Variants in RC3H1 observed in about 807,000 individuals in gnomAD.
The protein encoded by RC3H1 is ring finger and CCCH-type domains 1, also known as roquin-1.
In RC3H1, 50 loss-of-function variants were observed where a neutral mutation model predicts 138.2. That is an observed-to-expected ratio of 0.36 (90% CI 0.29 to 0.46). The LOEUF (loss-of-function observed/expected upper bound fraction) is 0.46. Among genes scored for constraint, RC3H1 ranks in the 20% least tolerant of loss-of-function variants. RC3H1 has a pLI of 1.00. For synonymous variants in RC3H1, 462 were observed against 489.1 expected, an observed-to-expected ratio of 0.94 and a Z score of 0.73; for missense variants, 1,031 against 1,388.1, an observed-to-expected ratio of 0.74 and a Z score of 4.09.
At chr1:174,009,793 G>A (rs747996915) in intron 1 of RC3H1, among the ~76,000 whole-genome samples, 3 of 152,154 alleles carry the variant, frequency 2.0e-5, no homozygotes, top group Non-Finnish European at 2.9e-5. Flanking sequence ...AGCCGAGATC[G>A]TGCCACTGCA....
chr1:174,011,987 G>A (rs1661777012), intron 1 of RC3H1, among the ~76,000 whole-genome samples: 1 of 152,142 alleles, frequency 6.6e-6, no homozygotes, highest in South Asian at 2.1e-4. Flanking sequence ...GAGGCAGATA[G>A]ATAGCTTGAG....
At chr1:173,970,307 G>A (rs1429337666) in intron 9 of RC3H1, among the ~76,000 whole-genome samples, 198 bp downstream of exon 9, 2 of 152,174 alleles carry the variant, frequency 1.3e-5, no homozygotes, top group African/African-American at 4.8e-5. Context: ...TTTTCAACTT[G>A]TGGTGTCAAG....
intron 6 of RC3H1, among the ~76,000 whole-genome samples, chr1:173,979,159 C>T (rs994760680): frequency 4.6e-5 from 7 of 152,206 alleles, no homozygotes; most frequent in Non-Finnish European, 8.8e-5. Flanking sequence ...AGAACATTTT[C>T]ATGATTACAG....
intron 9 of RC3H1, among the ~76,000 whole-genome samples, chr1:173,969,007 T>C (rs1400141224): frequency 6.6e-6 from 1 of 151,742 alleles, no homozygotes; most frequent in Non-Finnish European, 1.5e-5. Context: ...TACAGGCGCA[T>C]GCCACCACAC....
chr1:174,001,141 A>C (rs1476089664), intron 1 of RC3H1, among the ~76,000 whole-genome samples: 14 of 152,200 alleles, frequency 9.2e-5, no homozygotes. Flanking sequence ...TCAAGGGGTT[A>C]ATTCAGGTTG....
At chr1:173,976,147 A>T (rs1660571226) in intron 7 of RC3H1, among the ~76,000 whole-genome samples, 1 of 151,798 alleles carries the variant, frequency 6.6e-6, no homozygotes, top group African/African-American at 2.4e-5. Context: ...GAGAGAGTAC[A>T]GAACAATGGC....
chr1:173,958,234 AC>A (rs1337451561), intron 13 of RC3H1, among the ~76,000 whole-genome samples: 3 of 152,142 alleles, frequency 2.0e-5, no homozygotes, highest in African/African-American at 7.2e-5. Flanking sequence ...CAAAACAAAT[AC>A]GATTACTTTA....
chr1:173,952,370 T>TG (rs2102890038), intron 13 of RC3H1, among the ~76,000 whole-genome samples: 5 of 139,578 alleles, frequency 3.6e-5, no homozygotes, highest in Admixed American at 1.4e-4. Context: ...AGGTTTTTTT[T>TG]TTTTGTTTTT....
intron 2 of RC3H1, among the ~76,000 whole-genome samples, chr1:173,989,564 T>C (rs778095526): frequency 2.0e-5 from 3 of 152,168 alleles, no homozygotes; most frequent in Non-Finnish European, 4.4e-5. Flanking sequence ...CTTGTGCTTT[T>C]TGGTGTCACA....
At chr1:174,007,827 C>T (rs959243477) in intron 1 of RC3H1, among the ~76,000 whole-genome samples, 1 of 152,106 alleles carries the variant, frequency 6.6e-6, no homozygotes, top group African/African-American at 2.4e-5. Context: ...ACAAAGCACT[C>T]CAGTTAAAAT....
chr1:174,017,400 T>C (rs1036628675), intron 1 of RC3H1, among the ~76,000 whole-genome samples: 1 of 152,216 alleles, frequency 6.6e-6, no homozygotes, highest in African/African-American at 2.4e-5. Context: ...GCAGCATGTC[T>C]ACTGTACTTA....
In RC3H1 at chr1:173,961,744, A is replaced by C. The variant is rs1161939701; in HGVS notation, c.2183T>G (p.Ile728Ser). Reference protein sequence around the residue: ...YYPVAPHPTQIRPSYLREPPY... With the variant: ...YYPVAPHPTQSRPSYLREPPY... ...GCATACTCTGAGGTACGAAGGTCTG[A>C]TCTGAGTTGGATGAGGAGCCACTGG... The change falls in exon 12 of 20, where the codon ATC becomes AGC. Residue 728 changes from isoleucine (I) to serine (S), a missense_variant. Coordinates refer to ENST00000367696, the MANE Select transcript of RC3H1 (RefSeq NM_172071.4). 1.2e-6 allele frequency: 2 copies of C among 1,612,264 alleles called. No individual in the cohort carries two copies. The highest frequency in any genetic ancestry group is 2.7e-5 in the African/African-American group (2 of 74,860).
chr1:173,985,103 C>T (rs1660970660), intron 2 of RC3H1, among the ~76,000 whole-genome samples: 1 of 152,178 alleles, frequency 6.6e-6, no homozygotes, highest in Admixed American at 6.5e-5. Flanking sequence ...TTTCACTTAA[C>T]AATGTGTTCA....
At position 174,022,135 on chromosome 1, in the gene RC3H1, CCCGCGGCCGTCGCCACCGCCG is replaced by C; in HGVS notation, c.-211_-191del. On this transcript the variant is annotated 5_prime_UTR_variant, in exon 1 of 20. Transcript: ENST00000367696. This position sits in a 1 kb window ranked among gnomAD's most constrained non-coding sequence, Gnocchi z 4.2. The stretch of plus-strand genomic sequence containing the variant: ...CAGCAGCTCCTCTCAGCTCCGAGTC[CCCGCGGCCGTCGCCACCGCCG>C]CGGCAGCCGCCGCCGCCGCCGAGGC... 1 of 396,876 alleles carries C rather than the reference CCCGCGGCCGTCGCCACCGCCG, an allele frequency of 2.5e-6. No individual in the cohort carries two copies. The highest frequency in any genetic ancestry group is 3.6e-5 in the East Asian group (1 of 27,878). 24.6% of individuals were successfully genotyped at this position (396,876 alleles called of 1,614,324 possible).
At chr1:173,951,903 T>C (rs559548808) in intron 14 of RC3H1, 83 bp downstream of exon 14, 1 of 1,319,834 alleles carries the variant, frequency 7.6e-7, no homozygotes, top group African/African-American at 1.5e-5. Context: ...AAAGCTGAAT[T>C]ATTTGTGCCT....
At chr1:173,959,109 CT>C (rs1659762562) in intron 13 of RC3H1, among the ~76,000 whole-genome samples, 1 of 151,710 alleles carries the variant, frequency 6.6e-6, no homozygotes, top group East Asian at 1.9e-4. Flanking sequence ...CAGTATTATG[CT>C]GGAGTCCAAA....
At position 173,993,070 on chromosome 1, in the gene RC3H1, A is replaced by G; in HGVS notation, c.-85T>C. ...CACTGGAATCAAAATCTTTGAAAAA[A>G]AGTTTATCTTTTTTTTTTTTAAATA... On this transcript the variant is annotated 5_prime_UTR_variant, in exon 2 of 20. Coordinates refer to ENST00000367696, the MANE Select transcript of RC3H1 (RefSeq NM_172071.4). The G allele has an allele frequency of 2.0e-6, 2 of 1,021,602 alleles. No individual in the cohort carries two copies. Among genetic ancestry groups the G allele is most frequent in the Non-Finnish European group, 2.9e-6 (2 of 678,398 alleles). 63.3% of individuals were successfully genotyped at this position (1,021,602 alleles called of 1,614,324 possible). A position where few individuals can be genotyped will look rare whatever the true frequency, so the allele number is the denominator to read the frequency against.
intron 1 of RC3H1, among the ~76,000 whole-genome samples, chr1:174,006,603 A>G (rs1661656714): frequency 6.6e-6 from 1 of 152,168 alleles, no homozygotes. Flanking sequence ...ATACTTTTTA[A>G]TAATCATTAG....
chr1:173,958,600 C>A (rs899755100), intron 13 of RC3H1, among the ~76,000 whole-genome samples: 3 of 151,806 alleles, frequency 2.0e-5, no homozygotes, highest in Non-Finnish European at 4.4e-5. Flanking sequence ...ATTGATAAAT[C>A]CCTAGCAGGA....
Sources: allele counts gnomAD v4.1 joint callset (sites outside exome capture counted in the v4.1 genomes callset), GRCh38; gene constraint gnomAD v4.1.1; non-coding constraint Gnocchi (gnomAD v3.1); transcripts MANE v1.5; gene names NCBI Gene and HGNC (gene_info 2026-07-23, HGNC 2026-07-21).